ZNF609: variants seen among roughly 807,000 people sequenced by gnomAD.
ZNF609 encodes zinc finger protein 609.
A neutral mutation model predicts 109.5 loss-of-function variants in ZNF609; 11 were observed. The observed-to-expected ratio is 0.10, with a 90% CI of 0.06 to 0.17. The LOEUF (loss-of-function observed/expected upper bound fraction) is 0.17. Ranked by LOEUF, ZNF609 falls within the 10% of genes least tolerant of loss-of-function variation. ZNF609 has a pLI of 1.00. For synonymous variants in ZNF609, 646 were observed against 662.0 expected (o/e 0.98, Z 0.37); for missense variants, 1,559 against 1,772.4 (o/e 0.88, Z 2.16).
At position 64,675,540 on chromosome 15, in the gene ZNF609, G is replaced by C; in HGVS notation, c.2686G>C (p.Glu896Gln). 1 of 1,614,196 alleles carries C rather than the reference G, an allele frequency of 6.2e-7. No individual in the cohort carries two copies. Among genetic ancestry groups the C allele is most frequent in the Non-Finnish European group, 8.5e-7 (1 of 1,180,046 alleles). Residue 896 changes from glutamate (E) to glutamine (Q), a missense_variant, in exon 5 of 10, where the codon GAG becomes CAG. Glu to Gln is a conservative substitution (Grantham distance 29). Around this residue, in one of 4 missense-constraint regions of ZNF609, gnomAD observed 1,204 missense variants for 1,314.1 expected, o/e 0.92. Coordinates refer to ENST00000326648, the MANE Select transcript of ZNF609 (RefSeq NM_015042.2). ...AGACTCACCATATTACCAAGGCTTT[G>C]AGAGTTACTATTCTCCAAGTTATGC... ...SKDSPYYQGFESYYSPSYAQS... is the reference protein window; with the variant it reads ...SKDSPYYQGFQSYYSPSYAQS...
chr15:64,463,106 T>A (rs1459483070), intron 1 of ZNF609, among the ~76,000 whole-genome samples: 1 of 152,066 alleles, frequency 6.6e-6, no homozygotes, highest in East Asian at 1.9e-4. Context: ...TTTAAAAAAA[T>A]ACAGCTAGCT....
At chr15:64,485,037 T>C (rs1353616949) in intron 1 of ZNF609, among the ~76,000 whole-genome samples, 2 of 152,196 alleles carry the variant, frequency 1.3e-5, no homozygotes, top group African/African-American at 4.8e-5. Flanking sequence ...CTTAGTGTAC[T>C]GCCACGGAAA....
At chr15:64,619,001 C>T (rs12914104) in intron 2 of ZNF609, among the ~76,000 whole-genome samples, 15,230 of 152,114 alleles carry the variant, frequency 0.1, 2,103 homozygotes, top group East Asian at 0.79. Context: ...TAGCCAGGGA[C>T]CATGCCCTCC....
intron 2 of ZNF609, among the ~76,000 whole-genome samples, chr15:64,584,092 T>C (rs1895155261): frequency 1.3e-5 from 2 of 152,232 alleles, no homozygotes; most frequent in African/African-American, 2.4e-5. Flanking sequence ...TTTCATTTTA[T>C]TGAGGTTTTA....
At chr15:64,524,745 G>C (rs1893946561) in intron 2 of ZNF609, among the ~76,000 whole-genome samples, 1 of 151,882 alleles carries the variant, frequency 6.6e-6, no homozygotes, top group Non-Finnish European at 1.5e-5. Context: ...TCCTTATTTT[G>C]ACTGTTAATG....
intron 2 of ZNF609, among the ~76,000 whole-genome samples, chr15:64,586,814 T>TA (rs1185330623): frequency 1.3e-5 from 2 of 152,216 alleles, no homozygotes; most frequent in African/African-American, 4.8e-5. Flanking sequence ...TGAAACGAAA[T>TA]ACTTCTCAAA....
chr15:64,489,455 C>T (rs1893379500), intron 1 of ZNF609, among the ~76,000 whole-genome samples: 1 of 151,018 alleles, frequency 6.6e-6, no homozygotes, highest in Non-Finnish European at 1.5e-5. Context: ...GCTGGAATTA[C>T]AGGCAGGAGC....
chr15:64,460,154 T>C (rs999050771), upstream of ZNF609, among the ~76,000 whole-genome samples: 1 of 152,130 alleles, frequency 6.6e-6, no homozygotes, highest in African/African-American at 2.4e-5. Context: ...TCTTCTGTTC[T>C]TTGTGGATGC....
chr15:64,524,804 G>A (rs958448489), intron 2 of ZNF609, among the ~76,000 whole-genome samples: 1 of 152,078 alleles, frequency 6.6e-6, no homozygotes, highest in African/African-American at 2.4e-5. Flanking sequence ...ATGGACATAT[G>A]TCTTCAGTTT....
In ZNF609 at chr15:64,627,175, G is replaced by A. The variant is rs536540069; in HGVS notation, c.973+4123G>A. On this transcript the variant is annotated intron_variant, in intron 3 of 9. Coordinates refer to ENST00000326648, the MANE Select transcript of ZNF609 (RefSeq NM_015042.2). ...ACTACACTCCAGCCTGGGCGACAGA[G>A]AGTGAGACTCCGTCTCAAAAAAAAA... 4.0e-4 allele frequency among the ~76,000 whole-genome samples: 60 copies of A among 151,276 alleles called. 1 individual carries two copies. In the South Asian group the frequency reaches 0.012, roughly 31 times the overall value.
chr15:64,507,958 C>T (rs1161017843), intron 2 of ZNF609, among the ~76,000 whole-genome samples: 3 of 151,982 alleles, frequency 2.0e-5, no homozygotes, highest in South Asian at 2.1e-4. Flanking sequence ...CCTGGCTGAC[C>T]GAGGAGACAT....
At chr15:64,585,249 T>C (rs1490693486) in intron 2 of ZNF609, among the ~76,000 whole-genome samples, 4 of 151,928 alleles carry the variant, frequency 2.6e-5, no homozygotes, top group Non-Finnish European at 4.4e-5. Context: ...CACTTGAACC[T>C]GAGAGGTGGT....
intron 2 of ZNF609, among the ~76,000 whole-genome samples, chr15:64,581,899 C>T (rs1156392320): frequency 2.0e-5 from 3 of 152,172 alleles, no homozygotes; most frequent in Non-Finnish European, 4.4e-5. Context: ...ATCCTTTACT[C>T]TGCCAATTTT....
chr15:64,655,260 A>G (rs1268084986), intron 3 of ZNF609, among the ~76,000 whole-genome samples: 1 of 151,568 alleles, frequency 6.6e-6, no homozygotes, highest in East Asian at 2.0e-4. Flanking sequence ...CCTGACCAGC[A>G]TGGAGAAACC....
At chr15:64,662,726 C>T (rs988306384) in intron 3 of ZNF609, among the ~76,000 whole-genome samples, 5 of 151,872 alleles carry the variant, frequency 3.3e-5, no homozygotes, top group South Asian at 2.1e-4. Context: ...AGTGCAGTGG[C>T]GCGATCTCGG....
intron 2 of ZNF609, among the ~76,000 whole-genome samples, chr15:64,536,916 G>GA (rs60594462): frequency 0.013 from 725 of 55,424 alleles, 11 homozygotes; most frequent in African/African-American, 0.027. Flanking sequence ...TCTCAAAAAA[G>GA]AAAAAAAAAA....
chr15:64,488,359 TTTG>T (rs368730482), intron 1 of ZNF609, among the ~76,000 whole-genome samples: 48 of 152,334 alleles, frequency 3.2e-4, no homozygotes, highest in African/African-American at 1.1e-3. Context: ...CATTCACTCA[TTTG>T]TTGACCAAAA....
At chr15:64,490,531 C>G (rs1016181828) in intron 1 of ZNF609, among the ~76,000 whole-genome samples, 39 of 152,280 alleles carry the variant, frequency 2.6e-4, no homozygotes, top group African/African-American at 9.4e-4. Flanking sequence ...ACCTTGGCCT[C>G]CCAAAGTGCT....
Position 64,539,453 on chromosome 15 carries a change from C to T in ZNF609, c.747+39287C>T, listed in dbSNP as rs144713083. On this transcript the variant is annotated intron_variant, in intron 2 of 9. Coordinates refer to ENST00000326648, the MANE Select transcript of ZNF609 (RefSeq NM_015042.2). ...CGATCTCCTGACCGCGTGATCCACC[C>T]GCCTTGGCCTCCCCAAGTGCTGGGA... Among the ~76,000 whole-genome samples the T allele has an allele frequency of 6.1e-3, 928 of 151,888 alleles. 8 individuals carry two copies. Among genetic ancestry groups the T allele is most frequent in the African/African-American group, 0.021 (871 of 41,416 alleles).
Sources: gnomAD v4.1 joint callset for allele counts (sites outside exome capture counted in the v4.1 genomes callset) on GRCh38, gnomAD v4.1.1 for gene constraint, gnomAD v4.1.1 regional missense constraint, MANE v1.5 for transcripts, NCBI Gene and HGNC (gene_info 2026-07-23, HGNC 2026-07-21) for gene names.